JMJD1C: variants seen among roughly 807,000 people sequenced by gnomAD.
The protein encoded by JMJD1C is jumonji domain containing 1C.
A neutral mutation model predicts 245.3 loss-of-function variants in JMJD1C; 31 were observed. The observed-to-expected ratio is 0.13, with a 90% CI of 0.09 to 0.17. The LOEUF (loss-of-function observed/expected upper bound fraction) is 0.17. Among genes scored for constraint, JMJD1C ranks in the 10% least tolerant of loss-of-function variants. JMJD1C has a pLI of 1.00. For missense variants in JMJD1C, 2,691 were observed against 3,000.2 expected (o/e 0.90, Z 2.41); for synonymous variants, 1,057 against 1,017.4 (o/e 1.04, Z -0.74).
intron 1 of JMJD1C, among the ~76,000 whole-genome samples, chr10:63,516,523 T>C (rs978603794): frequency 2.0e-5 from 3 of 152,350 alleles, no homozygotes; most frequent in African/African-American, 7.2e-5. Flanking sequence ...TAATCTATTC[T>C]ATTTTAAATA....
Position 63,207,440 on chromosome 10 carries a change from C to A in JMJD1C, c.4229G>T (p.Ser1410Ile). 6.2e-7 allele frequency: 1 copy of A among 1,614,204 alleles called. No individual in the cohort carries two copies. Among genetic ancestry groups the A allele is most frequent in the South Asian group, 1.1e-5 (1 of 91,084 alleles). The change falls in exon 10 of 26, where the codon AGC becomes ATC. Residue 1410 changes from serine (S) to isoleucine (I), a missense_variant. Ser to Ile is a moderately radical substitution (Grantham distance 142). This residue lies in a region of JMJD1C where 1,562 missense variants were observed against 1,490.7 expected (regional missense o/e 1.05). Coordinates refer to ENST00000399262, the MANE Select transcript of JMJD1C (RefSeq NM_032776.3). ...GGAAATTACTTCTGAACCACCCCAG[C>A]TGGAAACACTGGTAGTATCGGCAGC... ...TSAADTTSVS[S>I]WGGSEVISSL...
intron 1 of JMJD1C, among the ~76,000 whole-genome samples, chr10:63,439,441 C>A (rs950050384): frequency 6.6e-6 from 1 of 152,082 alleles, no homozygotes; most frequent in Non-Finnish European, 1.5e-5. Flanking sequence ...TTAAACTCAG[C>A]CAGGAAAAAC....
intron 1 of JMJD1C, among the ~76,000 whole-genome samples, chr10:63,499,642 T>G (rs1954479688): frequency 6.6e-6 from 1 of 152,066 alleles, no homozygotes; most frequent in South Asian, 2.1e-4. Context: ...CAGCCATGTC[T>G]GAAAGGCTAT....
chr10:63,189,474 A>C, intron 17 of JMJD1C, 28 bp from the exon 18 acceptor site: 1 of 1,566,948 alleles, frequency 6.4e-7, no homozygotes, highest in Non-Finnish European at 8.6e-7. Context: ...AAACAAAAAA[A>C]ACCTGTTTTT....
intron 2 of JMJD1C, among the ~76,000 whole-genome samples, chr10:63,322,671 C>A (rs555142894): frequency 6.6e-6 from 1 of 151,316 alleles, no homozygotes; most frequent in Admixed American, 6.6e-5. Context: ...AAATTAGTGG[C>A]GCGCTCCTGT....
intron 1 of JMJD1C, among the ~76,000 whole-genome samples, chr10:63,424,500 T>TC (rs1950318630): frequency 7.0e-6 from 1 of 143,706 alleles, no homozygotes; most frequent in South Asian, 2.3e-4. Flanking sequence ...ATTATTTCTT[T>TC]TTTTTTTTTT....
intron 2 of JMJD1C, among the ~76,000 whole-genome samples, chr10:63,293,425 T>C (rs1386083129): frequency 6.6e-6 from 1 of 152,194 alleles, no homozygotes; most frequent in Non-Finnish European, 1.5e-5. Flanking sequence ...CCTCTCCTAC[T>C]TCTTTTACTT....
chr10:63,347,784 G>C (rs1174205502), intron 2 of JMJD1C, among the ~76,000 whole-genome samples: 1 of 151,702 alleles, frequency 6.6e-6, no homozygotes, highest in Admixed American at 6.6e-5. Context: ...GCGTGGTGTG[G>C]GCACCTGTAA....
At chr10:63,427,045 T>C (rs1040709596) in intron 1 of JMJD1C, among the ~76,000 whole-genome samples, 2 of 152,230 alleles carry the variant, frequency 1.3e-5, no homozygotes, top group Non-Finnish European at 2.9e-5. Context: ...TCATGGTTTA[T>C]AATGTGGTTT....
intron 2 of JMJD1C, among the ~76,000 whole-genome samples, chr10:63,312,094 C>CTTTTTT (rs35328965): frequency 1.3e-3 from 86 of 63,984 alleles, no homozygotes; most frequent in African/African-American, 2.5e-3. Context: ...AGTAGCTAAA[C>CTTTTTT]TTTTTTTTTT....
intron 2 of JMJD1C, among the ~76,000 whole-genome samples, chr10:63,316,480 C>T (rs979451544): frequency 2.0e-5 from 3 of 152,056 alleles, no homozygotes; most frequent in Admixed American, 1.3e-4. Context: ...GACAGAGTTT[C>T]GCTCCTCTCC....
chr10:63,396,793 A>AT (rs1388946359), intron 1 of JMJD1C, among the ~76,000 whole-genome samples: 1 of 151,772 alleles, frequency 6.6e-6, no homozygotes, highest in Non-Finnish European at 1.5e-5. Flanking sequence ...ACTTCCTTAG[A>AT]TTCAGCAAAA....
chr10:63,232,374 G>GC (rs1850138230), intron 3 of JMJD1C, among the ~76,000 whole-genome samples: 1 of 152,138 alleles, frequency 6.6e-6, no homozygotes, highest in African/African-American at 2.4e-5. Flanking sequence ...TTTTAAAACT[G>GC]CATCTGGTCC....
chr10:63,339,107 T>A (rs1394832900), intron 2 of JMJD1C, among the ~76,000 whole-genome samples: 1 of 152,178 alleles, frequency 6.6e-6, no homozygotes, highest in African/African-American at 2.4e-5. Flanking sequence ...TACAAGCTGG[T>A]AGATACCACT....
At position 63,358,717 on chromosome 10, in the gene JMJD1C, T is replaced by TC. The variant is rs1487169195; in HGVS notation, c.333+21600dup. The TC allele has an allele frequency of 2.0e-5, 3 of 152,110 alleles. No individual in the cohort carries two copies. The East Asian group carries it at 5.8e-4, about 29-fold the overall frequency. 9.4% of individuals were successfully genotyped at this position (152,110 alleles called of 1,614,324 possible). The stretch of plus-strand genomic sequence containing the variant: ...ATGGCAGTAGAAGAGTGGGGTGGGG[T>TC]CCCCAGGTAAGTTTCAACGTTAATA... On this transcript the variant is annotated intron_variant, in intron 2 of 25. Transcript: ENST00000399262.
intron 1 of JMJD1C, among the ~76,000 whole-genome samples, chr10:63,400,225 CAT>C (rs1948764688): frequency 6.6e-6 from 1 of 152,136 alleles, no homozygotes; most frequent in African/African-American, 2.4e-5. Flanking sequence ...TATCCTTGTG[CAT>C]ATGTCATTTT....
At chr10:63,464,046 T>TAA (rs926063991) in intron 1 of JMJD1C, among the ~76,000 whole-genome samples, 1 of 152,096 alleles carries the variant, frequency 6.6e-6, no homozygotes, top group African/African-American at 2.4e-5. Context: ...GGACTCTTAA[T>TAA]AAGTCCTGGG....
intron 2 of JMJD1C, among the ~76,000 whole-genome samples, chr10:63,367,019 A>C (rs1333248923): frequency 1.3e-5 from 2 of 152,206 alleles, no homozygotes; most frequent in Non-Finnish European, 2.9e-5. Flanking sequence ...AAGATTCATA[A>C]GACAATGGAG....
intron 1 of JMJD1C, among the ~76,000 whole-genome samples, chr10:63,473,974 C>G (rs553839736): frequency 6.6e-6 from 1 of 151,482 alleles, no homozygotes; most frequent in Non-Finnish European, 1.5e-5. Flanking sequence ...TCCCGGGAGG[C>G]GAACGTTGCA....
Sources: gnomAD v4.1 joint callset for allele counts (sites outside exome capture counted in the v4.1 genomes callset) on GRCh38, gnomAD v4.1.1 for gene constraint, gnomAD v4.1.1 regional missense constraint, MANE v1.5 for transcripts, NCBI Gene and HGNC (gene_info 2026-07-23, HGNC 2026-07-21) for gene names.